GRIK2: variants seen among roughly 807,000 people sequenced by gnomAD.
The protein encoded by GRIK2 is glutamate ionotropic receptor kainate type subunit 2.
Under a neutral mutation model 100.3 loss-of-function variants are expected in GRIK2, and 32 were observed. The observed-to-expected ratio is 0.32, with a 90% CI of 0.24 to 0.43. GRIK2 has a LOEUF of 0.43. Ranked by LOEUF, GRIK2 falls within the 20% of genes least tolerant of loss-of-function variation. The pLI is 1.00. For synonymous variants in GRIK2, 417 were observed against 389.4 expected (o/e 1.07, Z -0.83); for missense variants, 843 against 1,114.9 (o/e 0.76, Z 3.47).
At chr6:101,484,005 T>C (rs1002971123) in intron 2 of GRIK2, among the ~76,000 whole-genome samples, 11 of 152,256 alleles carry the variant, frequency 7.2e-5, no homozygotes, top group African/African-American at 2.2e-4. Flanking sequence ...GAGTGTTGTA[T>C]AGACTTTTCT....
chr6:101,942,765 A>G (rs1388051129), intron 14 of GRIK2, among the ~76,000 whole-genome samples: 1 of 152,206 alleles, frequency 6.6e-6, no homozygotes, highest in Non-Finnish European at 1.5e-5. Flanking sequence ...CATGTTCACA[A>G]AGAGATGGTC....
At chr6:101,625,677 C>T (rs781137568) in intron 3 of GRIK2, among the ~76,000 whole-genome samples, 2 of 152,048 alleles carry the variant, frequency 1.3e-5, no homozygotes, top group African/African-American at 2.4e-5. Flanking sequence ...TTCTTAATTA[C>T]TGTGGTTATT....
At chr6:101,787,189 G>A (rs1266399225) in intron 7 of GRIK2, among the ~76,000 whole-genome samples, 1 of 151,062 alleles carries the variant, frequency 6.6e-6, no homozygotes, top group Non-Finnish European at 1.5e-5. Context: ...TTCTGATTTT[G>A]TTTATTTGGG....
At chr6:101,604,625 G>A (rs979529228) in intron 2 of GRIK2, among the ~76,000 whole-genome samples, 14 of 151,828 alleles carry the variant, frequency 9.2e-5, no homozygotes, top group African/African-American at 3.1e-4. Context: ...TTTCAGAGCC[G>A]AGGATGATAA....
rs80098934 is a variant in GRIK2, at chr6:101,734,076, T to A, written c.951+47723T>A. Among the ~76,000 whole-genome samples, 1,075 of 152,250 alleles carry A rather than the reference T, an allele frequency of 7.1e-3. 16 individuals are homozygous for A. The highest frequency in any genetic ancestry group is 0.025 in the African/African-American group (1,032 of 41,548). Reference sequence around the variant, plus strand: ...AATTCCTACAGCCTCCACCCACTACTGAGTTCCAAAGCTGCTTCCACATAT... The same window carrying A: ...AATTCCTACAGCCTCCACCCACTACAGAGTTCCAAAGCTGCTTCCACATAT... On this transcript the variant is annotated intron_variant, in intron 7 of 16. Coordinates refer to ENST00000369134, the MANE Select transcript of GRIK2 (RefSeq NM_021956.5).
In GRIK2 at chr6:101,889,629, TCTGTCTACAGAAAGCTGACC is replaced by T; in HGVS notation, c.1525-10_1534del. 2 of 1,329,836 alleles carry T rather than the reference TCTGTCTACAGAAAGCTGACC, an allele frequency of 1.5e-6. No individual in the cohort carries two copies. The allele number at this position is 1,329,836 out of a possible 1,614,324, so 82.4% of individuals were successfully genotyped here. ...TCTTTTTTTTTTTTTTTTGTTTGTTTCTGTCTACAGAAAGCTGACCTTGCAGTTGCTCCACTGGCTATTAC... is the reference window on the plus strand; with the variant it reads ...TCTTTTTTTTTTTTTTTTGTTTGTTTTTGCAGTTGCTCCACTGGCTATTAC... On this transcript the variant is annotated splice_acceptor_variant and splice_polypyrimidine_tract_variant and coding_sequence_variant and intron_variant, in exon 12 of 17. Transcript: ENST00000369134. LOFTEE classifies it high-confidence loss of function.
intron 9 of GRIK2, among the ~76,000 whole-genome samples, chr6:101,813,212 A>G (rs1411819076): frequency 6.6e-6 from 1 of 152,078 alleles, no homozygotes; most frequent in Non-Finnish European, 1.5e-5. Context: ...AAATGATAAT[A>G]CTGAAGACTT....
At chr6:101,853,029 A>G (rs1784227342) in intron 10 of GRIK2, among the ~76,000 whole-genome samples, 1 of 152,164 alleles carries the variant, frequency 6.6e-6, no homozygotes. Context: ...GTTAAGCTCA[A>G]ATATGTAGCT....
chr6:101,839,909 G>A (rs35364260), intron 10 of GRIK2, among the ~76,000 whole-genome samples: 2,037 of 152,106 alleles, frequency 0.013, 24 homozygotes, highest in Non-Finnish European at 0.022. Flanking sequence ...TTATTTTCTT[G>A]TAATATATTG....
intron 2 of GRIK2, among the ~76,000 whole-genome samples, chr6:101,585,896 A>C (rs1267823148): frequency 6.6e-6 from 1 of 152,156 alleles, no homozygotes; most frequent in Non-Finnish European, 1.5e-5. Context: ...GAGCAAGCTA[A>C]CATAAAATTT....
At chr6:101,826,812 A>C (rs1322436055) in intron 10 of GRIK2, among the ~76,000 whole-genome samples, 1 of 152,034 alleles carries the variant, frequency 6.6e-6, no homozygotes, top group Non-Finnish European at 1.5e-5. Flanking sequence ...TTCTTAATAC[A>C]AGCATGAATG....
chr6:101,637,598 T>C (rs148487270), intron 4 of GRIK2, among the ~76,000 whole-genome samples: 209 of 152,294 alleles, frequency 1.4e-3, no homozygotes, highest in African/African-American at 4.8e-3. Context: ...TATTTAAATG[T>C]GTCTACCTGA....
chr6:102,067,379 A>C (rs1453295593), intron 16 of GRIK2, among the ~76,000 whole-genome samples: 1 of 151,768 alleles, frequency 6.6e-6, no homozygotes, highest in Non-Finnish European at 1.5e-5. Context: ...ATGTATCGGA[A>C]AATGACACAC....
At chr6:101,869,203 T>G (rs909107589) in intron 11 of GRIK2, among the ~76,000 whole-genome samples, 5 of 151,942 alleles carry the variant, frequency 3.3e-5, no homozygotes, top group Non-Finnish European at 7.4e-5. Context: ...ATTTAAATAT[T>G]TTGAAAGCCA....
At position 101,594,460 on chromosome 6, in the gene GRIK2, A is replaced by T. The variant is rs9498636; in HGVS notation, c.116-27489A>T. 3.5e-3 allele frequency among the ~76,000 whole-genome samples: 535 copies of T among 152,006 alleles called. 7 individuals carry two copies. Among genetic ancestry groups the T allele is most frequent in the African/African-American group, 0.013 (522 of 41,544 alleles). On this transcript the variant is annotated intron_variant, in intron 2 of 16. Coordinates refer to ENST00000369134, the MANE Select transcript of GRIK2 (RefSeq NM_021956.5). ...AAAGTGCTTGTGCCACACAAAAAGC[A>T]TAGTTTTTCAAAGAAAGCACAACCA...
At chr6:101,895,069 A>C (rs917945044) in intron 12 of GRIK2, among the ~76,000 whole-genome samples, 1 of 151,820 alleles carries the variant, frequency 6.6e-6, no homozygotes, top group East Asian at 1.9e-4. Context: ...TATGAGTACT[A>C]TTACATAAAA....
intron 14 of GRIK2, among the ~76,000 whole-genome samples, chr6:101,973,583 A>G (rs918240076): frequency 1.3e-5 from 2 of 151,872 alleles, no homozygotes; most frequent in Non-Finnish European, 2.9e-5. Flanking sequence ...GAACCTCAAG[A>G]TGTTTACTTT....
chr6:101,734,410 A>G (rs2128373186), intron 7 of GRIK2, among the ~76,000 whole-genome samples: 1 of 152,364 alleles, frequency 6.6e-6, no homozygotes, highest in African/African-American at 2.4e-5. Flanking sequence ...TCTGTTCAGC[A>G]CATGAGGGTC....
chr6:101,782,758 T>G (rs1779175748), intron 7 of GRIK2, among the ~76,000 whole-genome samples: 1 of 152,134 alleles, frequency 6.6e-6, no homozygotes, highest in Non-Finnish European at 1.5e-5. Context: ...GTAGTTCTAT[T>G]TTTAGTTTAT....
Sources: allele counts gnomAD v4.1 joint callset (sites outside exome capture counted in the v4.1 genomes callset), GRCh38; gene constraint gnomAD v4.1.1; transcripts MANE v1.5; gene names NCBI Gene and HGNC (gene_info 2026-07-23, HGNC 2026-07-21).